Variants in GRIK4 observed in about 807,000 individuals in gnomAD.
The protein encoded by GRIK4 is glutamate receptor ionotropic, kainate 4.
In GRIK4, 40 loss-of-function variants were observed where a neutral mutation model predicts 104.9. The observed-to-expected ratio is 0.38, with a 90% confidence interval of 0.30 to 0.50. The LOEUF (loss-of-function observed/expected upper bound fraction) is 0.50, where lower values mean the gene tolerates loss of function less well. Among genes scored for constraint, GRIK4 ranks in the 20% least tolerant of loss-of-function variants. The pLI, the probability that GRIK4 is intolerant of heterozygous loss-of-function variation, is 0.93. For synonymous variants in GRIK4, 485 were observed against 524.9 expected, an observed-to-expected ratio of 0.92 and a Z score of 1.04; for missense variants, 1,047 against 1,308.1, an observed-to-expected ratio of 0.80 and a Z score of 3.08.
chr11:120,790,952 G>A (rs1314677163), intron 3 of GRIK4, among the ~76,000 whole-genome samples: 2 of 152,144 alleles, frequency 1.3e-5, no homozygotes, highest in East Asian at 1.9e-4. Flanking sequence ...AAAAGATAAT[G>A]GGTTACATTT....
intron 1 of GRIK4, among the ~76,000 whole-genome samples, chr11:120,637,536 G>A (rs1164603216): frequency 6.6e-6 from 1 of 152,212 alleles, no homozygotes; most frequent in East Asian, 1.9e-4. Context: ...CGTAAAGCAG[G>A]ACTGCTTCCC....
chr11:120,848,342 C>T (rs951747477), intron 8 of GRIK4, among the ~76,000 whole-genome samples: 1 of 152,218 alleles, frequency 6.6e-6, no homozygotes, highest in African/African-American at 2.4e-5. Context: ...TTCCTCAGTA[C>T]TTCTGACTTT....
chr11:120,843,977 GTC>G (rs1555076990), intron 8 of GRIK4, among the ~76,000 whole-genome samples: 1 of 152,088 alleles, frequency 6.6e-6, no homozygotes, highest in African/African-American at 2.4e-5. Context: ...CCATGCCCCA[GTC>G]TCTATCTTGT....
Position 120,875,174 on chromosome 11 carries a change from C to T in GRIK4, c.1095C>T (p.Phe365=). Residue 365 remains phenylalanine, a synonymous_variant, in exon 11 of 21, where the codon TTC becomes TTT. Transcript: ENST00000527524. The stretch of plus-strand genomic sequence containing the variant: ...AAGGTCTTACCGGCCACATTGAATT[C>T]AACAGCAAAGGCCAGAGGTCCAACT... ...ELEGLTGHIE[F]NSKGQRSNYA... is the part of the protein sequence containing the mutation. 1 of 1,613,234 alleles carries T rather than the reference C, an allele frequency of 6.2e-7. No homozygotes were observed. Among genetic ancestry groups the T allele is most frequent in the Non-Finnish European group, 8.5e-7 (1 of 1,179,172 alleles).
chr11:120,638,838 A>G (rs1949433123), intron 1 of GRIK4, among the ~76,000 whole-genome samples: 2 of 151,802 alleles, frequency 1.3e-5, no homozygotes, highest in Non-Finnish European at 2.9e-5. Flanking sequence ...GATTAGAACT[A>G]TTTTTTCTGT....
rs186148625 is a variant in GRIK4, at chr11:120,939,958, C to T, written c.1477-389C>T. Among the ~76,000 whole-genome samples the T allele has an allele frequency of 5.5e-3, 819 of 150,058 alleles. 10 individuals carry two copies. Among genetic ancestry groups the T allele is most frequent in the African/African-American group, 0.017 (679 of 40,678 alleles). Reference sequence around the variant, plus strand: ...TGGCGCCACTGCACTCCAGCCTGGGCGACAGAGGGAGACCCTGTATCCAGA... The same window carrying T: ...TGGCGCCACTGCACTCCAGCCTGGGTGACAGAGGGAGACCCTGTATCCAGA... On this transcript the variant is annotated intron_variant, in intron 13 of 20. Coordinates refer to ENST00000527524, the MANE Select transcript of GRIK4 (RefSeq NM_014619.5). The surrounding 1 kb of genome is among the most constrained non-coding windows in gnomAD (Gnocchi z 5.6).
chr11:120,705,708 G>T (rs897745415), intron 3 of GRIK4, among the ~76,000 whole-genome samples: 87 of 152,068 alleles, frequency 5.7e-4, no homozygotes, highest in African/African-American at 2.0e-3. Flanking sequence ...GTAGTTCTTA[G>T]TGTACAAGTC....
chr11:120,942,844 A>G (rs1278338833), intron 14 of GRIK4, among the ~76,000 whole-genome samples: 4 of 152,130 alleles, frequency 2.6e-5, no homozygotes, highest in Non-Finnish European at 5.9e-5. Context: ...TGTAGACAGG[A>G]TTAACAACTA....
intron 1 of GRIK4, among the ~76,000 whole-genome samples, chr11:120,562,647 C>T (rs955527353): frequency 4.6e-5 from 7 of 152,026 alleles, no homozygotes; most frequent in African/African-American, 7.2e-5. Flanking sequence ...AAGCTGGAGA[C>T]GTGACAGTGA....
chr11:120,892,229 CCG>C (rs1955322587), intron 11 of GRIK4, among the ~76,000 whole-genome samples: 2 of 152,162 alleles, frequency 1.3e-5, no homozygotes, highest in Admixed American at 1.3e-4. Context: ...TAAAGCTGGA[CCG>C]AAGAGCATGA....
At chr11:120,572,077 G>T (rs970343184) in intron 1 of GRIK4, among the ~76,000 whole-genome samples, 4 of 152,210 alleles carry the variant, frequency 2.6e-5, no homozygotes, top group Admixed American at 2.0e-4. Context: ...CGGATCCAGG[G>T]TCTGAAGAAG....
Position 120,878,135 on chromosome 11 carries a change from G to A in GRIK4, c.1164+2892G>A, listed in dbSNP as rs528969342. The stretch of plus-strand genomic sequence containing the variant: ...CCCCAACCCAGGCCAGCAAGGGACC[G>A]TGCCCTGAGGCATCCTCCACAGCGG... On this transcript the variant is annotated intron_variant, in intron 11 of 20. Coordinates refer to ENST00000527524, the MANE Select transcript of GRIK4 (RefSeq NM_014619.5). Among the ~76,000 whole-genome samples, 35 of 152,304 alleles carry A rather than the reference G, an allele frequency of 2.3e-4. 1 individual carries two copies. Among genetic ancestry groups the A allele is most frequent in the Non-Finnish European group, 4.4e-4 (30 of 68,020 alleles).
intron 11 of GRIK4, among the ~76,000 whole-genome samples, chr11:120,884,786 G>T (rs763677818): frequency 2.6e-5 from 4 of 152,238 alleles, no homozygotes; most frequent in Admixed American, 2.6e-4. Context: ...CAGCCAGAGC[G>T]CTGCAAGGCC....
At chr11:120,605,986 G>T (rs1472764136) in intron 1 of GRIK4, among the ~76,000 whole-genome samples, 1 of 152,138 alleles carries the variant, frequency 6.6e-6, no homozygotes, top group Non-Finnish European at 1.5e-5. Flanking sequence ...TCTTGTTCTT[G>T]CCCTCTTTTT....
intron 6 of GRIK4, among the ~76,000 whole-genome samples, chr11:120,828,000 C>T (rs1234127351): frequency 6.6e-6 from 1 of 152,222 alleles, no homozygotes; most frequent in African/African-American, 2.4e-5. Context: ...GCTAGCCTGC[C>T]TCATGACAGC....
At chr11:120,651,127 C>A (rs897214075) in intron 1 of GRIK4, among the ~76,000 whole-genome samples, 6 of 152,158 alleles carry the variant, frequency 3.9e-5, no homozygotes, top group Admixed American at 3.9e-4. Context: ...AGCAAGCAGG[C>A]ATGGGAGGCC....
chr11:120,954,021 A>C (rs551710509), intron 15 of GRIK4, among the ~76,000 whole-genome samples: 4 of 152,194 alleles, frequency 2.6e-5, no homozygotes, highest in African/African-American at 9.6e-5. Context: ...TAGAGTGCAC[A>C]TCCCATCTCT....
At chr11:120,961,617 A>C (rs1205678367) in intron 17 of GRIK4, among the ~76,000 whole-genome samples, 1 of 152,036 alleles carries the variant, frequency 6.6e-6, no homozygotes, top group Non-Finnish European at 1.5e-5. Flanking sequence ...GGCTTCTTTG[A>C]GTTTCCCTTG....
At chr11:120,535,267 T>C (rs1591680059) in intron 1 of GRIK4, among the ~76,000 whole-genome samples, 1 of 104,678 alleles carries the variant, frequency 9.6e-6, no homozygotes, top group Non-Finnish European at 1.8e-5. Flanking sequence ...AAGAACCTCC[T>C]GGGACCAGAG....
Sources: gnomAD v4.1 joint callset for allele counts (sites outside exome capture counted in the v4.1 genomes callset) on GRCh38, gnomAD v4.1.1 for gene constraint, Gnocchi (gnomAD v3.1) non-coding constraint, MANE v1.5 for transcripts, NCBI Gene and HGNC (gene_info 2026-07-23, HGNC 2026-07-21) for gene names.